The following SYN2 variants were observed in gnomAD, a reference collection of about 807,000 sequenced individuals.
SYN2 encodes the protein synapsin II, also known as synapsin-2.
A neutral mutation model predicts 50.9 loss-of-function variants in SYN2; 19 were observed. The ratio of observed to expected loss-of-function variants is 0.37; its 90% CI spans 0.26 to 0.55. The LOEUF (loss-of-function observed/expected upper bound fraction) is 0.55, where lower values mean the gene tolerates loss of function less well. Among genes scored for constraint, SYN2 ranks in the 20% least tolerant of loss-of-function variants. The pLI is 0.81. For missense variants in SYN2, 587 were observed against 576.4 expected (o/e 1.02, Z -0.19); for synonymous variants, 255 against 224.9 (o/e 1.13, Z -1.20).
chr3:12,053,940 T>C (rs974390041), intron 1 of SYN2, among the ~76,000 whole-genome samples: 5 of 152,200 alleles, frequency 3.3e-5, no homozygotes, highest in African/African-American at 1.2e-4. Flanking sequence ...TCCATGTTCC[T>C]TAGATAACAG....
At chr3:12,120,067 G>A (rs1696520290) in intron 1 of SYN2, among the ~76,000 whole-genome samples, 1 of 152,126 alleles carries the variant, frequency 6.6e-6, no homozygotes, top group Non-Finnish European at 1.5e-5. Flanking sequence ...AAAAAATGGA[G>A]CTCCTTTGGT....
At position 12,004,936 on chromosome 3, in the gene SYN2, C is replaced by T; in HGVS notation, c.377+8C>T. Reference sequence around the variant, plus strand: ...CGAGCCGCACGCCGACTGGTAGGTGCCGGGCGCCGCCGCCCTCGGGGGTCG... The same window carrying T: ...CGAGCCGCACGCCGACTGGTAGGTGTCGGGCGCCGCCGCCCTCGGGGGTCG... On this transcript the variant is annotated splice_region_variant and intron_variant, in intron 1 of 12. Transcript: ENST00000621198. 1.9e-6 allele frequency: 1 copy of T among 532,170 alleles called. No homozygotes were observed. The highest frequency in any genetic ancestry group is 3.3e-6 in the Non-Finnish European group (1 of 303,118). 33.0% of individuals were successfully genotyped at this position (532,170 alleles called of 1,614,324 possible).
chr3:12,146,545 T>G (rs1697154114), intron 4 of SYN2, among the ~76,000 whole-genome samples: 1 of 152,228 alleles, frequency 6.6e-6, no homozygotes, highest in African/African-American at 2.4e-5. Context: ...ATCATTATTG[T>G]CACTTTTTAC....
chr3:12,187,485 T>C lies in SYN2; in HGVS notation c.1486T>C (p.Ser496Pro). The change falls in exon 12 of 13, where the codon TCG (serine) becomes CCG (proline). Residue 496 changes from serine to proline, a missense_variant. Ser to Pro is a moderately conservative substitution (Grantham distance 74, BLOSUM62 -1). Transcript: ENST00000621198. Reference sequence around the variant, plus strand: ...CTCTTCCTCCTCTTCTTCCTCCTCCTCGGCTCCTCAGCGGCCGGGCGGCCC... The same window carrying C: ...CTCTTCCTCCTCTTCTTCCTCCTCCCCGGCTCCTCAGCGGCCGGGCGGCCC... ...SSSSSSSSSSSAPQRPGGPTT... is the reference protein window; with the variant it reads ...SSSSSSSSSSPAPQRPGGPTT... 6.4e-7 allele frequency: 1 copy of C among 1,552,518 alleles called. No individual in the cohort carries two copies. The highest frequency in any genetic ancestry group is 8.7e-7 in the Non-Finnish European group (1 of 1,147,330).
chr3:12,091,500 G>A (rs2125181927), intron 1 of SYN2, among the ~76,000 whole-genome samples: 1 of 152,214 alleles, frequency 6.6e-6, no homozygotes, highest in African/African-American at 2.4e-5. Context: ...GATCCTCACA[G>A]CTCAAGTAAT....
At chr3:12,009,001 A>T (rs1330453321) in intron 1 of SYN2, among the ~76,000 whole-genome samples, 2 of 151,616 alleles carry the variant, frequency 1.3e-5, no homozygotes, top group African/African-American at 4.9e-5. Flanking sequence ...AAAGTACTGC[A>T]GTCTGCTTGA....
rs1166399127 is a variant in SYN2, at chr3:12,004,423, G to C, written c.-129G>C. ...TGCTGTCTGCGGGGTCTGGTGCCGG[G>C]GCCTGAGTCTCTGCTGGCTAAGCCG... On this transcript the variant is annotated 5_prime_UTR_variant, in exon 1 of 13. Coordinates refer to ENST00000621198, the MANE Select transcript of SYN2 (RefSeq NM_133625.6). The C allele has an allele frequency of 8.5e-6, 2 of 235,564 alleles. No individual in the cohort carries two copies. Among genetic ancestry groups the C allele is most frequent in the Non-Finnish European group, 1.7e-5 (2 of 117,478 alleles). The allele number at this position is 235,564 out of a possible 1,614,324, so 14.6% of individuals were successfully genotyped here.
chr3:12,052,767 G>GAA (rs1694895565), intron 1 of SYN2, among the ~76,000 whole-genome samples: 1 of 152,166 alleles, frequency 6.6e-6, no homozygotes, highest in Non-Finnish European at 1.5e-5. Flanking sequence ...TCCAGAAAGA[G>GAA]AAAAACAGTT....
intron 1 of SYN2, among the ~76,000 whole-genome samples, chr3:12,126,653 T>C (rs933030704): frequency 7.9e-5 from 12 of 152,212 alleles, no homozygotes; most frequent in African/African-American, 2.9e-4. Flanking sequence ...TCCTGAATCT[T>C]CCACCCAGTA....
intron 1 of SYN2, among the ~76,000 whole-genome samples, chr3:12,102,391 A>G (rs542207364): frequency 4.6e-5 from 7 of 152,286 alleles, no homozygotes; most frequent in East Asian, 1.9e-4. Context: ...TATGTTTTCA[A>G]TGAGTCAGGC....
intron 1 of SYN2, among the ~76,000 whole-genome samples, chr3:12,131,662 T>TC (rs397943333): frequency 1.1e-3 from 160 of 152,012 alleles, no homozygotes; most frequent in African/African-American, 3.7e-3. Context: ...TTTTTTTTTT[T>TC]CCTGTATTTG....
At chr3:12,116,011 C>T (rs1696426978) in intron 1 of SYN2, among the ~76,000 whole-genome samples, 1 of 152,164 alleles carries the variant, frequency 6.6e-6, no homozygotes, top group African/African-American at 2.4e-5. Flanking sequence ...TCAAGACTGT[C>T]AGAGCCCTGA....
At chr3:12,075,501 G>GCTT (rs1695449721) in intron 1 of SYN2, among the ~76,000 whole-genome samples, 3 of 152,076 alleles carry the variant, frequency 2.0e-5, no homozygotes, top group Admixed American at 1.3e-4. Context: ...ATAATAAAAG[G>GCTT]ATGCCTTGCT....
At chr3:12,048,133 G>A (rs307585) in intron 1 of SYN2, among the ~76,000 whole-genome samples, 97,542 of 152,024 alleles carry the variant, frequency 0.64, 33,839 homozygotes, top group South Asian at 0.78. Context: ...GAGACAATTC[G>A]TGTTTGCTAC....
At chr3:12,044,181 T>TCTCTCTCACACACACACACACACA (rs573246278) in intron 1 of SYN2, among the ~76,000 whole-genome samples, 5 of 53,360 alleles carry the variant, frequency 9.4e-5, no homozygotes, top group African/African-American at 2.3e-4. Flanking sequence ...TCTCTCTCTC[T>TCTCTCTCACACACACACACACACA]CACACACACA....
chr3:12,012,345 A>C (rs912422935), intron 1 of SYN2, among the ~76,000 whole-genome samples: 4 of 152,212 alleles, frequency 2.6e-5, no homozygotes, highest in Non-Finnish European at 4.4e-5. Context: ...AGAGAAATAC[A>C]CAGAAGGCCT....
intron 10 of SYN2, among the ~76,000 whole-genome samples, chr3:12,181,661 C>A (rs1251901440): frequency 6.6e-6 from 1 of 151,996 alleles, no homozygotes; most frequent in Non-Finnish European, 1.5e-5. Context: ...TTAAGAGACA[C>A]AACTAGAAAA....
chr3:12,063,066 C>CG (rs1198726866), intron 1 of SYN2, among the ~76,000 whole-genome samples: 1 of 150,104 alleles, frequency 6.7e-6, no homozygotes, highest in South Asian at 2.1e-4. Flanking sequence ...TGGTGTTTGC[C>CG]GGGGGGAAGG....
At position 12,004,869 on chromosome 3, in the gene SYN2, G is replaced by C. The variant is rs1254983877; in HGVS notation, c.318G>C (p.Ala106=). ...GCCTGGTGGACGCGCCCGCTCCCGC[G>C]CCCGCAGCCGCCAGGAAGGCCAAGG... ...SAGLVDAPAP[A]PAAARKAKVL... is the part of the protein sequence containing the mutation. Residue 106 remains alanine (A), a synonymous_variant, in exon 1 of 13, where the codon GCG becomes GCC. Transcript: ENST00000621198. 1.1e-5 allele frequency: 6 copies of C among 569,380 alleles called. No homozygotes were observed. In the African/African-American group the frequency reaches 1.2e-4, roughly 11 times the overall value. The allele number at this position is 569,380 out of a possible 1,614,324, so 35.3% of individuals were successfully genotyped here. A position where few individuals can be genotyped will look rare whatever the true frequency, so the allele number is the denominator to read the frequency against.
Sources: gnomAD v4.1 joint callset for allele counts (sites outside exome capture counted in the v4.1 genomes callset) on GRCh38, gnomAD v4.1.1 for gene constraint, MANE v1.5 for transcripts, NCBI Gene and HGNC (gene_info 2026-07-23, HGNC 2026-07-21) for gene names.